The following NDST1 variants were observed in gnomAD, a reference collection of about 807,000 sequenced individuals.
NDST1 encodes N-deacetylase and N-sulfotransferase 1, also known as bifunctional heparan sulfate N-deacetylase/N-sulfotransferase 1.
NDST1 carries 35 observed loss-of-function variants against 92.8 expected under a neutral mutation model. The observed-to-expected ratio is 0.38, with a 90% CI of 0.29 to 0.50. NDST1 has a LOEUF of 0.50. Among genes scored for constraint, NDST1 ranks in the 20% least tolerant of loss-of-function variants. NDST1 has a pLI of 0.94. For missense variants in NDST1, 822 were observed against 1,182.7 expected, an observed-to-expected ratio of 0.69 and a Z score of 4.47; for synonymous variants, 493 against 500.3, an observed-to-expected ratio of 0.99 and a Z score of 0.19.
upstream of NDST1, among the ~76,000 whole-genome samples, chr5:150,506,284 A>G (rs1561586531): frequency 6.6e-6 from 1 of 151,224 alleles, no homozygotes; most frequent in Non-Finnish European, 1.5e-5. Context: ...AATTTTTGTA[A>G]TTTTTTTTTG....
At chr5:150,518,542 G>A (rs920859334) in intron 1 of NDST1, among the ~76,000 whole-genome samples, 2 of 152,076 alleles carry the variant, frequency 1.3e-5, no homozygotes, top group Admixed American at 6.6e-5. Context: ...AACAAAAAGC[G>A]GAAATAAAAA....
intron 13 of NDST1, chr5:150,550,332 C>A: frequency 6.3e-6 from 1 of 158,884 alleles, no homozygotes; most frequent in Admixed American, 6.0e-5. Context: ...GAATGATCTG[C>A]CTGCTTCAGC....
chr5:150,535,923 G>A, intron 6 of NDST1, 38 bp downstream of exon 6: 1 of 1,596,924 alleles, frequency 6.3e-7, no homozygotes, highest in Non-Finnish European at 8.5e-7. Flanking sequence ...GTGGGAGAAT[G>A]GAGAGCACAG....
At chr5:150,503,969 A>T (rs1186483767), upstream of NDST1, among the ~76,000 whole-genome samples, 2 of 152,162 alleles carry the variant, frequency 1.3e-5, no homozygotes, top group East Asian at 3.9e-4. Flanking sequence ...GGTCAGGCGG[A>T]TCCTGGAGTG....
chr5:150,539,118 G>A (rs1755126987), intron 6 of NDST1, 110 bp from the exon 7 acceptor site: 5 of 898,858 alleles, frequency 5.6e-6, no homozygotes, highest in Middle Eastern at 2.2e-4. Flanking sequence ...GCGACCACAT[G>A]GAGACTGCCT....
intron 2 of NDST1, among the ~76,000 whole-genome samples, chr5:150,525,698 G>A (rs1433115467): frequency 6.6e-6 from 1 of 152,154 alleles, no homozygotes; most frequent in African/African-American, 2.4e-5. Context: ...AGTGAAAGGC[G>A]CTCTTCTGGA....
rs1275618642 is a variant in NDST1 at position 150,528,232 on chromosome 5, C to T, written c.942C>T (p.Ile314=). The change falls in exon 3 of 15, where the codon ATC becomes ATT. Residue 314 remains isoleucine, a synonymous_variant. Transcript: ENST00000261797. ...TCTCCCTGCCATTGGACCGCTACAT[C>T]CTGGTGGACATTGATGACATCTTCG... ...KRLSLPLDRY[I]LVDIDDIFVG... 2 of 1,612,876 alleles carry T rather than the reference C, an allele frequency of 1.2e-6. No individual in the cohort carries two copies. The highest frequency in any genetic ancestry group is 1.7e-6 in the Non-Finnish European group (2 of 1,179,016).
chr5:150,532,120 C>T (rs751709812), intron 3 of NDST1, among the ~76,000 whole-genome samples: 18 of 152,194 alleles, frequency 1.2e-4, no homozygotes, highest in Admixed American at 9.8e-4. Context: ...GGCAGTTTTA[C>T]GTACAATATC....
rs1397462003 is a variant in NDST1, at chr5:150,555,163, C to T, written c.*1831C>T. On this transcript the variant is annotated 3_prime_UTR_variant, in exon 15 of 15. Transcript: ENST00000261797. ...TCCAATGCCACACTGCCTCTGAGCC[C>T]ATCCTTGGGACCCTACTCTGTGCCA... is the stretch of plus-strand genomic sequence containing the variant. 1 of 152,904 alleles carries T rather than the reference C, an allele frequency of 6.5e-6. No individual in the cohort carries two copies. The highest frequency in any genetic ancestry group is 6.5e-5 in the Admixed American group (1 of 15,282). The allele number at this position is 152,904 out of a possible 1,614,324, so 9.5% of individuals were successfully genotyped here.
intron 5 of NDST1, chr5:150,535,483 C>T (rs1754941810): frequency 2.4e-6 from 2 of 838,318 alleles, no homozygotes; most frequent in South Asian, 5.4e-5. Context: ...GTCAGGAGAC[C>T]TGGGTTCTAA....
chr5:150,540,380 G>A (rs756681887), intron 8 of NDST1, 116 bp downstream of exon 8: 257 of 1,136,946 alleles, frequency 2.3e-4, no homozygotes, highest in Non-Finnish European at 3.0e-4. Context: ...ACTCTCGCTC[G>A]AATGTAAACT....
At chr5:150,516,203 G>C (rs956090616) in intron 1 of NDST1, among the ~76,000 whole-genome samples, 1 of 152,202 alleles carries the variant, frequency 6.6e-6, no homozygotes, top group African/African-American at 2.4e-5. Flanking sequence ...TGTGGTGCCT[G>C]CCTGCCTCAG....
chr5:150,541,276 G>A (rs905820699), intron 8 of NDST1, among the ~76,000 whole-genome samples: 22 of 152,322 alleles, frequency 1.4e-4, no homozygotes, highest in Middle Eastern at 3.4e-3. Flanking sequence ...TATAGGAAGC[G>A]TTTCTTGACC....
In NDST1 at chr5:150,532,864, G is replaced by A. The variant is rs185029757; in HGVS notation, c.1009-81G>A. 3.0e-4 allele frequency: 385 copies of A among 1,292,360 alleles called. 2 individuals carry two copies. In the South Asian group the frequency reaches 3.8e-3, roughly 13 times the overall value. The allele number at this position is 1,292,360 out of a possible 1,614,324, so 80.1% of individuals were successfully genotyped here. On this transcript the variant is annotated intron_variant, in intron 3 of 14. Coordinates refer to ENST00000261797, the MANE Select transcript of NDST1 (RefSeq NM_001543.5). ...TAATTTTTGAACAAGGGATTTCCAC[G>A]TTTTTTCACTGCCCTCAGTGGGAAA...
chr5:150,533,443 G>A (rs1246608495), intron 4 of NDST1, among the ~76,000 whole-genome samples: 1 of 152,260 alleles, frequency 6.6e-6, no homozygotes, highest in Non-Finnish European at 1.5e-5. Context: ...CACCTTGGAT[G>A]ACCAGTGTCA....
chr5:150,547,476 G>A lies in NDST1; in HGVS notation c.2146-742G>A, dbSNP rs560899961. On this transcript the variant is annotated intron_variant, in intron 11 of 14. Transcript: ENST00000261797. Reference sequence around the variant, plus strand: ...TGGACTTAGTGAATTCTGCAGATTCGGACCTCCCATGGCATTATTTTAAGT... The same window carrying A: ...TGGACTTAGTGAATTCTGCAGATTCAGACCTCCCATGGCATTATTTTAAGT... Among the ~76,000 whole-genome samples, 14 of 152,268 alleles carry A rather than the reference G, an allele frequency of 9.2e-5. No homozygotes were observed. In the East Asian group the frequency reaches 1.5e-3, roughly 17 times the overall value.
At chr5:150,536,802 G>A (rs909220041) in intron 6 of NDST1, among the ~76,000 whole-genome samples, 3 of 152,240 alleles carry the variant, frequency 2.0e-5, no homozygotes, top group Admixed American at 2.0e-4. Context: ...CAACCTCAGG[G>A]GATCTGCCCA....
At chr5:150,524,274 C>G (rs1754370426) in intron 2 of NDST1, among the ~76,000 whole-genome samples, 1 of 152,210 alleles carries the variant, frequency 6.6e-6, no homozygotes, top group African/African-American at 2.4e-5. Flanking sequence ...GGTACCGGAG[C>G]CACTCAATAG....
intron 3 of NDST1, among the ~76,000 whole-genome samples, chr5:150,529,521 A>G (rs550568597): frequency 6.6e-6 from 1 of 152,350 alleles, no homozygotes; most frequent in South Asian, 2.1e-4. Context: ...CCATTAAACA[A>G]TCTTTAAAAT....
Sources: gnomAD v4.1 joint callset for allele counts (sites outside exome capture counted in the v4.1 genomes callset) on GRCh38, gnomAD v4.1.1 for gene constraint, MANE v1.5 for transcripts, NCBI Gene and HGNC (gene_info 2026-07-23, HGNC 2026-07-21) for gene names.